Variants in GRM8 observed in about 807,000 individuals in gnomAD.
GRM8 encodes metabotropic glutamate receptor 8.
In GRM8, 47 loss-of-function variants were observed where a neutral mutation model predicts 87.2. The ratio of observed to expected loss-of-function variants is 0.54; its 90% CI spans 0.43 to 0.69. GRM8 has a LOEUF of 0.69. Among genes scored for constraint, GRM8 ranks in the 30% least tolerant of loss-of-function variants. The pLI is 0.00. For synonymous variants in GRM8, 396 were observed against 404.5 expected, an observed-to-expected ratio of 0.98 and a Z score of 0.25; for missense variants, 1,019 against 1,139.2, an observed-to-expected ratio of 0.89 and a Z score of 1.52.
Position 126,685,867 on chromosome 7 carries a change from C to T in GRM8, c.1358-76369G>A, listed in dbSNP as rs1333619559. The stretch of plus-strand genomic sequence containing the variant: ...ACCTTCAAGCTGAGGAGGGCCTGAA[C>T]CCTGGGGGCTGGGAGCCATTCCCGC... On this transcript the variant is annotated intron_variant, in intron 7 of 10. Coordinates refer to ENST00000339582, the MANE Select transcript of GRM8 (RefSeq NM_000845.3). The surrounding 1 kb of genome is among the most constrained non-coding windows in gnomAD (Gnocchi z 4.2). Among the ~76,000 whole-genome samples the T allele has an allele frequency of 6.6e-6, 1 of 151,958 alleles. No individual in the cohort carries two copies. The highest frequency in any genetic ancestry group is 6.5e-5 in the Admixed American group (1 of 15,272).
At chr7:126,897,593 G>T (rs1352930446) in intron 6 of GRM8, among the ~76,000 whole-genome samples, 1 of 151,570 alleles carries the variant, frequency 6.6e-6, no homozygotes, top group Non-Finnish European at 1.5e-5. Context: ...AAGGGAGGGA[G>T]AGGTCAGATA....
intron 7 of GRM8, among the ~76,000 whole-genome samples, chr7:126,722,524 C>T (rs1028027596): frequency 6.6e-6 from 1 of 152,148 alleles, no homozygotes; most frequent in African/African-American, 2.4e-5. Flanking sequence ...TTCTAAAAAA[C>T]AAACTATTTA....
chr7:126,721,213 C>T (rs1812361118), intron 7 of GRM8, among the ~76,000 whole-genome samples: 1 of 152,156 alleles, frequency 6.6e-6, no homozygotes, highest in African/African-American at 2.4e-5. Context: ...GGTGATCAAA[C>T]CCAAAGGCAC....
At chr7:127,005,171 C>T (rs1814159722) in intron 3 of GRM8, among the ~76,000 whole-genome samples, 1 of 147,328 alleles carries the variant, frequency 6.8e-6, no homozygotes. Context: ...AAAGAGAACT[C>T]CATATTTGTA....
At chr7:126,651,431 T>C (rs1160689857) in intron 7 of GRM8, among the ~76,000 whole-genome samples, 3 of 152,142 alleles carry the variant, frequency 2.0e-5, no homozygotes, top group Non-Finnish European at 4.4e-5. Context: ...GCGTCCTATA[T>C]ATGGTACTGT....
At chr7:126,683,147 C>G (rs186417522) in intron 7 of GRM8, among the ~76,000 whole-genome samples, 12 of 152,328 alleles carry the variant, frequency 7.9e-5, no homozygotes, top group African/African-American at 2.9e-4. Context: ...GAAGGAAAGG[C>G]AGGGAAACCT....
At chr7:127,152,997 T>A (rs1587145644) in intron 2 of GRM8, among the ~76,000 whole-genome samples, 1 of 152,228 alleles carries the variant, frequency 6.6e-6, no homozygotes, top group African/African-American at 2.4e-5. Flanking sequence ...TTTCTTAAAG[T>A]ATTTAACACC....
At chr7:127,102,333 TAG>T (rs1825364408) in intron 3 of GRM8, among the ~76,000 whole-genome samples, 2 of 152,240 alleles carry the variant, frequency 1.3e-5, no homozygotes, top group Non-Finnish European at 2.9e-5. Context: ...AACCACTTGC[TAG>T]AGATATTTGC....
intron 2 of GRM8, among the ~76,000 whole-genome samples, chr7:127,123,647 T>C (rs1466766411): frequency 1.3e-5 from 2 of 152,176 alleles, no homozygotes; most frequent in Admixed American, 1.3e-4. Context: ...CAGGTATTCC[T>C]TTATAGCCAT....
chr7:127,106,564 G>C lies in GRM8; in HGVS notation c.659C>G (p.Thr220Arg). ...ACCATAGTTCCCCTCAGAAGCCAGT[G>C]TCGAAACATAATTCCATCCCAGTGC... ...VTALGWNYVS[T>R]LASEGNYGES... is the part of the protein sequence containing the mutation. Residue 220 changes from threonine (T) to arginine (R), a missense_variant, in exon 3 of 11, where the codon ACA (threonine) becomes AGA (arginine). Physicochemically the swap from Thr to Arg is moderately conservative, Grantham distance 71. Coordinates refer to ENST00000339582, the MANE Select transcript of GRM8 (RefSeq NM_000845.3). 1 of 1,614,122 alleles carries C rather than the reference G, an allele frequency of 6.2e-7. No homozygotes were observed.
In GRM8 at chr7:126,769,879, G is replaced by C. The variant is rs368195877; in HGVS notation, c.1343C>G (p.Ala448Gly). ...TTGTAACTTACCATTAAAATTTACA[G>C]CCCGAATATAACCAAGTAGCTCTTT... ...DGKELLGYIR[A>G]VNFNGSAGTP... The change falls in exon 7 of 11, where the codon GCT becomes GGT. Residue 448 changes from alanine to glycine, a missense_variant. Coordinates refer to ENST00000339582, the MANE Select transcript of GRM8 (RefSeq NM_000845.3). The C allele has an allele frequency of 1.9e-6, 3 of 1,606,752 alleles. No homozygotes were observed. The highest frequency in any genetic ancestry group is 2.6e-6 in the Non-Finnish European group (3 of 1,174,236).
intron 9 of GRM8, among the ~76,000 whole-genome samples, chr7:126,503,460 AG>A (rs1311983504): frequency 1.3e-5 from 2 of 152,048 alleles, no homozygotes; most frequent in Non-Finnish European, 2.9e-5. Flanking sequence ...ACATGAGCAC[AG>A]GACTAGAAGG....
intron 8 of GRM8, among the ~76,000 whole-genome samples, chr7:126,603,783 C>A (rs540757193): frequency 6.0e-4 from 91 of 152,076 alleles, no homozygotes; most frequent in Admixed American, 1.0e-3. Flanking sequence ...TAGGAAAGAG[C>A]ATTTTCACAT....
chr7:126,600,179 A>G (rs188601310), intron 8 of GRM8, among the ~76,000 whole-genome samples: 68 of 152,278 alleles, frequency 4.5e-4, no homozygotes, highest in African/African-American at 1.5e-3. Flanking sequence ...TAATTATGCA[A>G]TTATTGTAGT....
At chr7:126,442,481 T>C (rs1399737682) in intron 10 of GRM8, among the ~76,000 whole-genome samples, 1 of 152,028 alleles carries the variant, frequency 6.6e-6, no homozygotes, top group East Asian at 1.9e-4. Context: ...ATAAGAGTGA[T>C]AAAAATGACT....
At chr7:127,231,334 G>T (rs1474546888) in intron 2 of GRM8, among the ~76,000 whole-genome samples, 1 of 152,166 alleles carries the variant, frequency 6.6e-6, no homozygotes, top group Non-Finnish European at 1.5e-5. Flanking sequence ...GATAGGACTA[G>T]ACCACATTAA....
intron 2 of GRM8, among the ~76,000 whole-genome samples, chr7:127,240,715 G>C (rs17869428): frequency 0.021 from 3,251 of 152,192 alleles, 108 homozygotes; most frequent in African/African-American, 0.071. Flanking sequence ...GAGCAGGTGA[G>C]GAGGGAGTTC....
intron 8 of GRM8, among the ~76,000 whole-genome samples, chr7:126,574,231 G>C (rs1316684159): frequency 1.3e-5 from 2 of 152,116 alleles, no homozygotes; most frequent in Non-Finnish European, 2.9e-5. Context: ...ATAGCTATTG[G>C]TTTAATAAAT....
At chr7:127,141,107 G>A (rs1828234412) in intron 2 of GRM8, among the ~76,000 whole-genome samples, 1 of 151,960 alleles carries the variant, frequency 6.6e-6, no homozygotes, top group Admixed American at 6.6e-5. Context: ...GTCAACCCTT[G>A]CTCATTAGAC....
Sources: gnomAD v4.1 joint callset for allele counts (sites outside exome capture counted in the v4.1 genomes callset) on GRCh38, gnomAD v4.1.1 for gene constraint, Gnocchi (gnomAD v3.1) non-coding constraint, MANE v1.5 for transcripts, NCBI Gene and HGNC (gene_info 2026-07-23, HGNC 2026-07-21) for gene names.